Variants in CYP4Z1 observed in about 807,000 individuals in gnomAD.
The protein encoded by CYP4Z1 is cytochrome P450 4Z1.
A neutral mutation model predicts 54.2 loss-of-function variants in CYP4Z1; 41 were observed. The observed-to-expected ratio is 0.76, with a 90% CI of 0.59 to 0.98. CYP4Z1 has a LOEUF of 0.98. Ranked by LOEUF, CYP4Z1 falls within the 50% of genes least tolerant of loss-of-function variation. The pLI is 0.00. For missense variants in CYP4Z1, 513 were observed against 599.0 expected, an observed-to-expected ratio of 0.86 and a Z score of 1.50; for synonymous variants, 163 against 206.2, an observed-to-expected ratio of 0.79 and a Z score of 1.79.
chr1:47,113,320 C>T (rs1644806390), intron 9 of CYP4Z1, among the ~76,000 whole-genome samples: 3 of 152,184 alleles, frequency 2.0e-5, no homozygotes, highest in South Asian at 4.1e-4. Context: ...CAGCATGCCT[C>T]GCCTGGGCCT....
intron 9 of CYP4Z1, among the ~76,000 whole-genome samples, chr1:47,113,784 T>G (rs528745466): frequency 4.6e-5 from 7 of 152,004 alleles, no homozygotes; most frequent in Non-Finnish European, 1.0e-4. Context: ...CGCTGCTCAA[T>G]GAAATAAAAG....
At chr1:47,101,508 A>G (rs1392318935) in intron 8 of CYP4Z1, among the ~76,000 whole-genome samples, 4 of 151,970 alleles carry the variant, frequency 2.6e-5, no homozygotes, top group Non-Finnish European at 5.9e-5. Context: ...TCTTGACCCA[A>G]TTGTTGTTCA....
At chr1:47,101,383 TA>T (rs1300746844) in intron 8 of CYP4Z1, among the ~76,000 whole-genome samples, 12 of 152,284 alleles carry the variant, frequency 7.9e-5, no homozygotes, top group African/African-American at 2.9e-4. Flanking sequence ...TGTAGGCACT[TA>T]TTACTATAAT....
At chr1:47,076,595 C>G (rs1014587062) in intron 2 of CYP4Z1, among the ~76,000 whole-genome samples, 5 of 151,922 alleles carry the variant, frequency 3.3e-5, no homozygotes, top group African/African-American at 1.2e-4. Flanking sequence ...CCTGTAATCC[C>G]AGCACTTTGG....
chr1:47,068,462 T>C (rs1644466752), intron 1 of CYP4Z1, among the ~76,000 whole-genome samples, 160 bp from the exon 2 acceptor site: 1 of 152,130 alleles, frequency 6.6e-6, no homozygotes, highest in African/African-American at 2.4e-5. Context: ...GTGGAGGTGC[T>C]GGAGACACAT....
chr1:47,094,066 G>A (rs1195783515), intron 6 of CYP4Z1, among the ~76,000 whole-genome samples: 1 of 152,150 alleles, frequency 6.6e-6, no homozygotes, highest in East Asian at 1.9e-4. Context: ...GGAGTGGTGA[G>A]AGTAGGCTTC....
chr1:47,095,936 A>AAAT (rs1212986289), intron 7 of CYP4Z1, among the ~76,000 whole-genome samples: 1 of 152,180 alleles, frequency 6.6e-6, no homozygotes, highest in African/African-American at 2.4e-5. Context: ...GACCAAAAAT[A>AAAT]AATAGATACT....
At chr1:47,066,181 G>C (rs912661952), upstream of CYP4Z1, among the ~76,000 whole-genome samples, 1 of 152,022 alleles carries the variant, frequency 6.6e-6, no homozygotes, top group Non-Finnish European at 1.5e-5. Flanking sequence ...AAATCACTCT[G>C]TGAAGCCAGT....
intron 6 of CYP4Z1, 128 bp from the exon 7 acceptor site, chr1:47,094,438 C>G: frequency 1.6e-6 from 1 of 622,030 alleles, no homozygotes; most frequent in Non-Finnish European, 2.8e-6. Flanking sequence ...CCCTTACCAA[C>G]TCAGGAACAT....
At chr1:47,068,079 A>G (rs1476797196) in intron 1 of CYP4Z1, among the ~76,000 whole-genome samples, 4 of 152,210 alleles carry the variant, frequency 2.6e-5, no homozygotes, top group African/African-American at 9.6e-5. Flanking sequence ...TTAGCAAATT[A>G]GAAAGGAAAG....
chr1:47,117,479 G>A (rs1168941944), intron 11 of CYP4Z1, among the ~76,000 whole-genome samples: 3 of 151,986 alleles, frequency 2.0e-5, no homozygotes, highest in South Asian at 2.1e-4. Flanking sequence ...GGCTGGGTGC[G>A]GTGGCTCTTA....
rs146391078 is a variant in CYP4Z1 at position 47,094,635 on chromosome 1, G to T, written c.842G>T (p.Arg281Leu). 1.6e-5 allele frequency: 25 copies of T among 1,611,284 alleles called. No individual in the cohort carries two copies. The highest frequency in any genetic ancestry group is 1.8e-5 in the Non-Finnish European group (21 of 1,178,924). ...KLKQDTTQKR[R>L]WDFLDILLSA... is the part of the protein sequence containing the mutation. Reference sequence around the variant, plus strand: ...AAACAAGATACTACTCAGAAAAGGCGCTGGGATTTTCTGGACATACTTTTG... The same window carrying T: ...AAACAAGATACTACTCAGAAAAGGCTCTGGGATTTTCTGGACATACTTTTG... The change falls in exon 7 of 12, where the codon CGC becomes CTC. Residue 281 changes from arginine (R) to leucine (L), a missense_variant. Transcript: ENST00000334194.
chr1:47,098,961 A>C, intron 7 of CYP4Z1, 133 bp from the exon 8 acceptor site: 1 of 1,090,932 alleles, frequency 9.2e-7, no homozygotes, highest in Non-Finnish European at 1.3e-6. Flanking sequence ...GTAAAATAGA[A>C]AAATATATGC....
intron 8 of CYP4Z1, among the ~76,000 whole-genome samples, chr1:47,101,329 G>A (rs1644720008): frequency 6.6e-6 from 1 of 151,932 alleles, no homozygotes; most frequent in Admixed American, 6.6e-5. Context: ...CTTCCTAGAG[G>A]TGCCTCATTA....
At chr1:47,114,198 G>A (rs1453813313) in intron 9 of CYP4Z1, among the ~76,000 whole-genome samples, 6 of 152,150 alleles carry the variant, frequency 3.9e-5, no homozygotes, top group East Asian at 3.8e-4. Flanking sequence ...ATGGGGAAAC[G>A]ATTCCCTTTT....
intron 2 of CYP4Z1, among the ~76,000 whole-genome samples, chr1:47,078,872 G>T (rs552953399): frequency 8.1e-5 from 12 of 148,542 alleles, no homozygotes; most frequent in Admixed American, 1.4e-4. Flanking sequence ...TCCTACCCTG[G>T]GTATGTGTAG....
At chr1:47,105,488 G>A (rs1569749681) in intron 8 of CYP4Z1, among the ~76,000 whole-genome samples, 1 of 152,296 alleles carries the variant, frequency 6.6e-6, no homozygotes, top group East Asian at 1.9e-4. Flanking sequence ...TGGGAACGTG[G>A]ATCACTGGAG....
intron 9 of CYP4Z1, among the ~76,000 whole-genome samples, chr1:47,108,365 A>G (rs1409834351): frequency 1.3e-5 from 2 of 152,174 alleles, no homozygotes; most frequent in Non-Finnish European, 2.9e-5. Flanking sequence ...TAATTCAACC[A>G]GCATTAAATT....
upstream of CYP4Z1, among the ~76,000 whole-genome samples, chr1:47,066,320 A>C (rs921731723): frequency 6.6e-6 from 1 of 152,228 alleles, no homozygotes; most frequent in Non-Finnish European, 1.5e-5. Flanking sequence ...AGCATATCAA[A>C]AAGATAATCC....
Sources: gnomAD v4.1 joint callset for allele counts (sites outside exome capture counted in the v4.1 genomes callset) on GRCh38, gnomAD v4.1.1 for gene constraint, MANE v1.5 for transcripts, NCBI Gene and HGNC (gene_info 2026-07-23, HGNC 2026-07-21) for gene names.